The following SBK1 variants were observed in gnomAD, a reference collection of about 807,000 sequenced individuals.
SBK1 encodes SH3 domain binding kinase 1, also known as serine/threonine-protein kinase SBK1.
Under a neutral mutation model 24.4 loss-of-function variants are expected in SBK1, and 11 were observed. The observed-to-expected ratio is 0.45, with a 90% confidence interval of 0.28 to 0.75. SBK1 has a LOEUF of 0.75. SBK1 is among the 30% of genes least tolerant of loss of function. The pLI is 0.12. For missense variants in SBK1, 467 were observed against 620.5 expected, an observed-to-expected ratio of 0.75 and a Z score of 2.63; for synonymous variants, 308 against 284.4, an observed-to-expected ratio of 1.08 and a Z score of -0.83.
intron 1 of SBK1, among the ~76,000 whole-genome samples, chr16:28,304,427 G>A (rs1328555438): frequency 6.6e-6 from 1 of 152,092 alleles, no homozygotes; most frequent in African/African-American, 2.4e-5. Flanking sequence ...GCAGTGGGAC[G>A]TTCAGGGTTC....
At chr16:28,260,243 G>C (rs1219000539) in intron 1 of SBK1, among the ~76,000 whole-genome samples, 1 of 152,140 alleles carries the variant, frequency 6.6e-6, no homozygotes, top group Non-Finnish European at 1.5e-5. Flanking sequence ...GTGGAGGGAA[G>C]GGCTGTGCCT....
At chr16:28,281,772 G>T (rs552457541) in intron 1 of SBK1, among the ~76,000 whole-genome samples, 5 of 152,298 alleles carry the variant, frequency 3.3e-5, no homozygotes, top group African/African-American at 1.2e-4. Flanking sequence ...ATCTGTGCTT[G>T]TTAAATAAGT....
In SBK1 at chr16:28,320,916, G is replaced by T. The variant is rs1193869462; in HGVS notation, c.1270G>T (p.Val424Phe). The change falls in exon 4 of 4, where the codon GTC becomes TTC. Residue 424 changes from valine (V) to phenylalanine (F), a missense_variant. Coordinates refer to ENST00000341901, the MANE Select transcript of SBK1 (RefSeq NM_001024401.3). This position sits in a 1 kb window ranked among gnomAD's most constrained non-coding sequence, Gnocchi z 8.5. Reference protein sequence around the residue: ...VVLATAIEICV With the variant: ...VVLATAIEICF ...GCTGGCCACGGCCATCGAGATCTGC[G>T]TCTGAGTCGCCTCCGCCGCCCTCGG... 6.8e-7 allele frequency: 1 copy of T among 1,475,640 alleles called. No individual in the cohort carries two copies. Among genetic ancestry groups the T allele is most frequent in the African/African-American group, 1.5e-5 (1 of 67,624 alleles). The allele number at this position is 1,475,640 out of a possible 1,614,324, so 91.4% of individuals were successfully genotyped here.
rs1245466966 is a variant in SBK1 at position 28,321,349 on chromosome 16, C to T, written c.*428C>T. ...ACCCCCTGGCAGATCATCCTGCGGTCCCACCCCAGATCCCCTCCTCCTCGC... is the reference window on the plus strand; with the variant it reads ...ACCCCCTGGCAGATCATCCTGCGGTTCCACCCCAGATCCCCTCCTCCTCGC... On this transcript the variant is annotated 3_prime_UTR_variant, in exon 4 of 4. Coordinates refer to ENST00000341901, the MANE Select transcript of SBK1 (RefSeq NM_001024401.3). The T allele has an allele frequency of 1.3e-5, 2 of 154,280 alleles. No individual in the cohort carries two copies. Among genetic ancestry groups the T allele is most frequent in the Non-Finnish European group, 2.9e-5 (2 of 69,430 alleles). The allele number at this position is 154,280 out of a possible 1,614,324, so 9.6% of individuals were successfully genotyped here.
chr16:28,309,630 C>T (rs936048018), intron 1 of SBK1, among the ~76,000 whole-genome samples: 33 of 152,196 alleles, frequency 2.2e-4, no homozygotes, highest in Admixed American at 6.5e-4. Context: ...GACGTGGTGG[C>T]GCATGCCTGT....
Position 28,322,920 on chromosome 16 carries a change from CTCTCTCTCTCCCTCTCTCTCTCTCT to C in SBK1, c.*2000_*2024del, listed in dbSNP as rs1567682932. On this transcript the variant is annotated 3_prime_UTR_variant, in exon 4 of 4. Transcript: ENST00000341901. Reference sequence around the variant, plus strand: ...GTGCTCGCTCTCTCTCTCGCGCGCGCTCTCTCTCTCCCTCTCTCTCTCTCTCTCTCTCTCTCTCTCTCTCTCTCTC... The same window carrying C: ...GTGCTCGCTCTCTCTCTCGCGCGCGCCTCTCTCTCTCTCTCTCTCTCTCTC... 2.2e-4 allele frequency: 4 copies of C among 17,896 alleles called. No homozygotes were observed. Among genetic ancestry groups the C allele is most frequent in the Non-Finnish European group, 5.2e-4 (4 of 7,620 alleles). The allele number at this position is 17,896 out of a possible 1,614,324, so 1.1% of individuals were successfully genotyped here. A position where few individuals can be genotyped will look rare whatever the true frequency, so the allele number is the denominator to read the frequency against.
chr16:28,319,441 G>GGCCT lies in SBK1; in HGVS notation c.429+244_429+245insGCCT, dbSNP rs2044821857. On this transcript the variant is annotated intron_variant, in intron 3 of 3. Transcript: ENST00000341901. This position sits in a 1 kb window ranked among gnomAD's most constrained non-coding sequence, Gnocchi z 4.0. ...AGATGAGTGCCTAAAAGGAGACAGT[G>GGCCT]AGAATGATGGGATGAAGTCACTGGG... is the stretch of plus-strand genomic sequence containing the variant. Among the ~76,000 whole-genome samples, 1 of 152,140 alleles carries GGCCT rather than the reference G, an allele frequency of 6.6e-6. No individual in the cohort carries two copies. The highest frequency in any genetic ancestry group is 2.1e-4 in the South Asian group (1 of 4,828).
At chr16:28,301,128 G>C (rs2044675756) in intron 1 of SBK1, among the ~76,000 whole-genome samples, 1 of 151,966 alleles carries the variant, frequency 6.6e-6, no homozygotes, top group East Asian at 1.9e-4. Flanking sequence ...CTGCACTCCT[G>C]TTGATACCCC....
At position 28,270,987 on chromosome 16, in the gene SBK1, C is replaced by A. The variant is rs975957838; in HGVS notation, c.257+11485C>A. Among the ~76,000 whole-genome samples, 21 of 151,992 alleles carry A rather than the reference C, an allele frequency of 1.4e-4. 1 individual carries two copies. The highest frequency in any genetic ancestry group is 7.4e-5 in the Non-Finnish European group (5 of 68,000). ...CATGCCATTCTCCTGCCTCAGCCTC[C>A]CGAGTAGCTGGGACTACAGGCGCCC... is the stretch of plus-strand genomic sequence containing the variant. On this transcript the variant is annotated intron_variant, in intron 1 of 3. Transcript: ENST00000671413.
At chr16:28,283,073 C>T (rs2044543582) in intron 1 of SBK1, among the ~76,000 whole-genome samples, 1 of 152,158 alleles carries the variant, frequency 6.6e-6, no homozygotes, top group East Asian at 1.9e-4. Flanking sequence ...GCTGAGATTA[C>T]AGGTGTGCAC....
At chr16:28,310,570 G>A (rs1234064015) in intron 1 of SBK1, among the ~76,000 whole-genome samples, 1 of 152,158 alleles carries the variant, frequency 6.6e-6, no homozygotes, top group South Asian at 2.1e-4. Context: ...AAAAGCCTGT[G>A]CTGCTGCTCA....
At chr16:28,298,109 C>T (rs1009750398) in intron 1 of SBK1, among the ~76,000 whole-genome samples, 6 of 152,192 alleles carry the variant, frequency 3.9e-5, no homozygotes, top group African/African-American at 1.2e-4. Context: ...CCACCCCTCC[C>T]CTGGCTCGCC....
In SBK1 at chr16:28,320,392, G is replaced by A. The variant is rs867259623; in HGVS notation, c.746G>A (p.Gly249Asp). 6.3e-7 allele frequency: 1 copy of A among 1,592,030 alleles called. No homozygotes were observed. The highest frequency in any genetic ancestry group is 8.5e-7 in the Non-Finnish European group (1 of 1,175,654). The change falls in exon 4 of 4, where the codon GGC becomes GAC. Residue 249 changes from glycine to aspartate, a missense_variant. By Grantham distance (94) the Gly-to-Asp change is moderately conservative. Transcript: ENST00000341901. This position sits in a 1 kb window ranked among gnomAD's most constrained non-coding sequence, Gnocchi z 8.5. ...GTGCTCATCTTCTGCGTGCTCACCG[G>A]CAACTTCCCGTGGGAGGCGGCGTCG... ...FGVLIFCVLT[G>D]NFPWEAASGA... is the part of the protein sequence containing the mutation.
intron 1 of SBK1, among the ~76,000 whole-genome samples, chr16:28,280,115 C>CTATA (rs1193408430): frequency 0.074 from 2,184 of 29,320 alleles, 243 homozygotes; most frequent in South Asian, 0.12. Flanking sequence ...TTGAAAAAAA[C>CTATA]TATATATATA....
intron 1 of SBK1, among the ~76,000 whole-genome samples, chr16:28,314,127 T>C (rs560259283): frequency 3.5e-4 from 50 of 142,074 alleles, no homozygotes; most frequent in Non-Finnish European, 7.1e-4. Context: ...GCACTGTTGT[T>C]GTTGTTGTTG....
At chr16:28,288,516 G>A (rs1007571179), upstream of SBK1, among the ~76,000 whole-genome samples, 4 of 152,160 alleles carry the variant, frequency 2.6e-5, no homozygotes, top group East Asian at 1.9e-4. Context: ...TGCAGTTATC[G>A]AGAGGCCATA....
intron 1 of SBK1, among the ~76,000 whole-genome samples, chr16:28,307,309 C>A (rs1045160287): frequency 6.6e-6 from 1 of 152,218 alleles, no homozygotes; most frequent in South Asian, 2.1e-4. Flanking sequence ...AACTGAGGCA[C>A]AGAGTGGTCA....
chr16:28,279,413 C>CAAAAAAAAAAAAAAAAA (rs34582546), intron 1 of SBK1, among the ~76,000 whole-genome samples: 2 of 84,760 alleles, frequency 2.4e-5, no homozygotes, highest in African/African-American at 8.7e-5. Flanking sequence ...AAAACAAAAC[C>CAAAAAAAAAAAAAAAAA]AAAAAAAAAA....
At position 28,320,026 on chromosome 16, in the gene SBK1, G is replaced by A. The variant is rs1175113035; in HGVS notation, c.430-50G>A. ...GGGAGCTGGAGGGGAGGGCGGCGGGGCGGGCGCTGGAGAGCTGGAAACAGC... is the reference window on the plus strand; with the variant it reads ...GGGAGCTGGAGGGGAGGGCGGCGGGACGGGCGCTGGAGAGCTGGAAACAGC... On this transcript the variant is annotated intron_variant, in intron 3 of 3. Transcript: ENST00000341901. This position sits in a 1 kb window ranked among gnomAD's most constrained non-coding sequence, Gnocchi z 8.5. 3 of 1,421,680 alleles carry A rather than the reference G, an allele frequency of 2.1e-6. No homozygotes were observed. The highest frequency in any genetic ancestry group is 2.7e-6 in the Non-Finnish European group (3 of 1,093,408). 88.1% of individuals were successfully genotyped at this position (1,421,680 alleles called of 1,614,324 possible). A position where few individuals can be genotyped will look rare whatever the true frequency, so the allele number is the denominator to read the frequency against.
Sources: gnomAD v4.1 joint callset for allele counts (sites outside exome capture counted in the v4.1 genomes callset) on GRCh38, gnomAD v4.1.1 for gene constraint, Gnocchi (gnomAD v3.1) non-coding constraint, MANE v1.5 for transcripts, NCBI Gene and HGNC (gene_info 2026-07-23, HGNC 2026-07-21) for gene names.